The following MUC5AC variants were observed in gnomAD, a reference collection of about 807,000 sequenced individuals.
The protein encoded by MUC5AC is mucin 5AC, oligomeric mucus/gel-forming, also known as mucin-5AC.
A neutral mutation model predicts 169.7 loss-of-function variants in MUC5AC; 158 were observed. The observed-to-expected ratio is 0.93, with a 90% confidence interval of 0.82 to 1.06. The LOEUF (loss-of-function observed/expected upper bound fraction) is 1.06. MUC5AC is among the 50% of genes least tolerant of loss of function. The pLI is 0.00. For synonymous variants in MUC5AC, 1,975 were observed against 1,237.0 expected (o/e 1.60, Z -12.52); for missense variants, 4,359 against 3,089.9 (o/e 1.41, Z -9.74).
In MUC5AC at chr11:1,199,946, G is replaced by A; in HGVS notation, c.16677G>A (p.Gly5559=). 3 of 763,546 alleles carry A rather than the reference G, an allele frequency of 3.9e-6. No individual in the cohort carries two copies. Among genetic ancestry groups the A allele is most frequent in the East Asian group, 2.4e-5 (1 of 41,196 alleles). The allele number at this position is 763,546 out of a possible 1,614,324, so 47.3% of individuals were successfully genotyped here. A position where few individuals can be genotyped will look rare whatever the true frequency, so the allele number is the denominator to read the frequency against. Residue 5559 remains glycine (G), a synonymous_variant, in exon 48 of 49, where the codon GGG becomes GGA. Transcript: ENST00000621226. ...SEPVRLAYCR[G]NCGDSSSMYS... is the part of the protein sequence containing the mutation. Reference sequence around the variant, plus strand: ...CCGTGCGCCTGGCTTACTGCCGGGGGAACTGTGGGGACAGCTCTTCCATGT... The same window carrying A: ...CCGTGCGCCTGGCTTACTGCCGGGGAAACTGTGGGGACAGCTCTTCCATGT...
At chr11:1,180,926 C>T (rs951176446) in intron 28 of MUC5AC, among the ~76,000 whole-genome samples, 341 of 152,246 alleles carry the variant, frequency 2.2e-3, no homozygotes, top group African/African-American at 7.8e-3. Context: ...AGGGGCCCCA[C>T]GAGGGAGGGA....
intron 15 of MUC5AC, among the ~76,000 whole-genome samples, chr11:1,170,582 T>C (rs1298430932): frequency 0.15 from 3,148 of 21,342 alleles, no homozygotes; most frequent in Middle Eastern, 0.17. Flanking sequence ...CCCACTCACC[T>C]ACTCACTCAC....
chr11:1,178,444 G>A lies in MUC5AC; in HGVS notation c.3088G>A (p.Gly1030Ser). The change falls in exon 25 of 49, where the codon GGC becomes AGC. Residue 1030 changes from glycine (G) to serine (S), a missense_variant and splice_region_variant. Physicochemically the swap from Gly to Ser is moderately conservative, Grantham distance 56 (BLOSUM62 0). Transcript: ENST00000621226. Reference protein sequence around the residue: ...IFINLSPEFKGRVCGLCGNFD... With the variant: ...IFINLSPEFKSRVCGLCGNFD... The stretch of plus-strand genomic sequence containing the variant: ...TCCACCTCTCCCGGTGCCTCTGCAG[G>A]GCAGGGTCTGCGGCCTGTGTGGGAA... The A allele has an allele frequency of 3.1e-6, 2 of 645,706 alleles. No homozygotes were observed. The highest frequency in any genetic ancestry group is 4.6e-6 in the Non-Finnish European group (2 of 435,656). 40.0% of individuals were successfully genotyped at this position (645,706 alleles called of 1,614,324 possible).
chr11:1,164,453 CT>C lies in MUC5AC; in HGVS notation c.1051del (p.Cys351AlafsTer110), dbSNP rs1860242643. On this transcript the variant is annotated frameshift_variant, in exon 9 of 49. Transcript: ENST00000621226. LOFTEE classifies it high-confidence loss of function. The part of the protein sequence containing the change: ...NMQYHECRSP[C>X]ADTCSNQEHS... ...TGCAGTACCACGAGTGCCGCTCCCCCTGCGCAGACACCTGCTCCAACCAGGA... is the reference window on the plus strand; with the variant it reads ...TGCAGTACCACGAGTGCCGCTCCCCCGCGCAGACACCTGCTCCAACCAGGA... 1.2e-6 allele frequency: 2 copies of C among 1,611,952 alleles called. No individual in the cohort carries two copies. The highest frequency in any genetic ancestry group is 1.7e-6 in the Non-Finnish European group (2 of 1,179,656).
chr11:1,195,127 C>A lies in MUC5AC; in HGVS notation c.15306C>A (p.Cys5102Ter). Residue 5102 changes from cysteine to a stop codon, truncating the protein, a stop_gained, in exon 36 of 49, where the codon TGC becomes TGA. Coordinates refer to ENST00000621226, the MANE Select transcript of MUC5AC (RefSeq NM_001304359.2). LOFTEE classifies it high-confidence loss of function. Reference sequence around the variant, plus strand: ...TGAGCATACCCGACCAGCCAGCCTGCCACCGGCCTCACCCGACGCCCACCA... The same window carrying A: ...TGAGCATACCCGACCAGCCAGCCTGACACCGGCCTCACCCGACGCCCACCA... ...WNVSIPDQPA[C>*]HRPHPTPTTV... 1.3e-6 allele frequency: 1 copy of A among 764,474 alleles called. No individual in the cohort carries two copies. Among genetic ancestry groups the A allele is most frequent in the Non-Finnish European group, 2.4e-6 (1 of 417,672 alleles). 47.4% of individuals were successfully genotyped at this position (764,474 alleles called of 1,614,324 possible).
At position 1,160,746 on chromosome 11, in the gene MUC5AC, G is replaced by A. The variant is rs1427595202; in HGVS notation, c.151+57G>A. 13 of 1,536,148 alleles carry A rather than the reference G, an allele frequency of 8.5e-6. No individual in the cohort carries two copies. The Admixed American group carries it at 1.6e-4, about 19-fold the overall frequency. ...CCTGTCAGATTCCACCCTCCACCGTGTGGCACGGCCCCTAGGGCCACTGGT... is the reference window on the plus strand; with the variant it reads ...CCTGTCAGATTCCACCCTCCACCGTATGGCACGGCCCCTAGGGCCACTGGT... On this transcript the variant is annotated intron_variant, in intron 2 of 48. Coordinates refer to ENST00000621226, the MANE Select transcript of MUC5AC (RefSeq NM_001304359.2).
At chr11:1,169,672 T>C (rs1298240711) in intron 15 of MUC5AC, among the ~76,000 whole-genome samples, 2 of 115,322 alleles carry the variant, frequency 1.7e-5, no homozygotes, top group African/African-American at 3.5e-5. Context: ...ACTCACCCAC[T>C]CACTCACCCA....
intron 46 of MUC5AC, 81 bp from the exon 47 acceptor site, chr11:1,199,614 C>T: frequency 1.4e-6 from 1 of 696,308 alleles, no homozygotes; most frequent in East Asian, 2.7e-5. Flanking sequence ...CACTCCTGAG[C>T]CTGGCCCCAT....
chr11:1,160,585 G>A, intron 1 of MUC5AC, 27 bp from the exon 2 acceptor site: 1 of 1,593,500 alleles, frequency 6.3e-7, no homozygotes, highest in South Asian at 1.1e-5. Flanking sequence ...CCTGCATCTG[G>A]GCTCAGCCCC....
In MUC5AC at chr11:1,161,960, T is replaced by C. The variant is rs1432108255; in HGVS notation, c.265T>C (p.Tyr89His). 34 of 1,612,184 alleles carry C rather than the reference T, an allele frequency of 2.1e-5. No individual in the cohort carries two copies. The Admixed American group carries it at 5.5e-4, about 26-fold the overall frequency. Residue 89 changes from tyrosine (Y) to histidine (H), a missense_variant, in exon 4 of 49, where the codon TAC (tyrosine) becomes CAC (histidine). Transcript: ENST00000621226. ...GTGCAGCACCTGGGGCAGCTTCCACTACAAGACCTTCGACGGCGACGTCTT... is the reference window on the plus strand; with the variant it reads ...GTGCAGCACCTGGGGCAGCTTCCACCACAAGACCTTCGACGGCGACGTCTT... Reference protein sequence around the residue: ...RVCSTWGSFHYKTFDGDVFRF... With the variant: ...RVCSTWGSFHHKTFDGDVFRF...
chr11:1,197,683 G>A lies in MUC5AC; in HGVS notation c.16033+44G>A. 4 of 656,796 alleles carry A rather than the reference G, an allele frequency of 6.1e-6. No homozygotes were observed. In the East Asian group the frequency reaches 1.1e-4, roughly 18 times the overall value. The allele number at this position is 656,796 out of a possible 1,614,324, so 40.7% of individuals were successfully genotyped here. ...GAGGGGCATGGTGTGGCAGGCAGGT[G>A]ACCCGGAGCCCACTCGGCCCGGACT... On this transcript the variant is annotated intron_variant, in intron 41 of 48. Coordinates refer to ENST00000621226, the MANE Select transcript of MUC5AC (RefSeq NM_001304359.2).
Position 1,162,081 on chromosome 11 carries a change from C to A in MUC5AC, c.386C>A (p.Ala129Glu). 6.2e-7 allele frequency: 1 copy of A among 1,612,442 alleles called. No homozygotes were observed. Among genetic ancestry groups the A allele is most frequent in the South Asian group, 1.1e-5 (1 of 91,018 alleles). ...CAGCTACGCCGCAGCCAGGAGTCAG[C>A]GGCCCCCACGCTGAGCAGGGTCCTC... is the stretch of plus-strand genomic sequence containing the variant. ...NIQLRRSQES[A>E]APTLSRVLMK... The change falls in exon 4 of 49, where the codon GCG (alanine) becomes GAG (glutamate). Residue 129 changes from alanine to glutamate, a missense_variant. Transcript: ENST00000621226.
At position 1,179,092 on chromosome 11, in the gene MUC5AC, G is replaced by A; in HGVS notation, c.3328G>A (p.Val1110Met). The A allele has an allele frequency of 1.8e-6, 1 of 560,690 alleles. No homozygotes were observed. Among genetic ancestry groups the A allele is most frequent in the East Asian group, 2.9e-5 (1 of 34,208 alleles). 34.7% of individuals were successfully genotyped at this position (560,690 alleles called of 1,614,324 possible). ...GPTFAACHAH[V>M]EPARYYEACV... ...GAACCTGAAGCCCCGTCTCCCTCAG[G>A]TGGAGCCGGCCAGGTACTACGAGGC... Residue 1110 changes from valine (V) to methionine (M), a missense_variant and splice_region_variant, in exon 26 of 49, where the codon GTG becomes ATG. Transcript: ENST00000621226.
Position 1,188,329 on chromosome 11 carries a change from C to T in MUC5AC, c.10184C>T (p.Thr3395Ile). 1.5e-6 allele frequency: 1 copy of T among 670,156 alleles called. No homozygotes were observed. The highest frequency in any genetic ancestry group is 1.6e-5 in the South Asian group (1 of 63,588). 41.5% of individuals were successfully genotyped at this position (670,156 alleles called of 1,614,324 possible). A position where few individuals can be genotyped will look rare whatever the true frequency, so the allele number is the denominator to read the frequency against. ...APTTSTTSAP[T>I]TSTTSTPQTS... Reference sequence around the variant, plus strand: ...ACAACCAGCACAACTTCTGCCCCTACAACCAGCACAACCTCCACTCCACAG... The same window carrying T: ...ACAACCAGCACAACTTCTGCCCCTATAACCAGCACAACCTCCACTCCACAG... The change falls in exon 31 of 49, where the codon ACA becomes ATA. Residue 3395 changes from threonine to isoleucine, a missense_variant. Thr to Ile is a moderately conservative substitution (Grantham distance 89). Transcript: ENST00000621226.
chr11:1,172,830 T>C (rs1860579642), intron 16 of MUC5AC, among the ~76,000 whole-genome samples: 1 of 149,776 alleles, frequency 6.7e-6, no homozygotes, highest in African/African-American at 2.5e-5. Context: ...ACTCACCCAT[T>C]CACTCACTCA....
Position 1,185,032 on chromosome 11 carries a change from C to CCA in MUC5AC, c.6887_6888insCA (p.Pro2297IlefsTer29). The CCA allele has an allele frequency of 1.4e-6, 1 of 692,398 alleles. No individual in the cohort carries two copies. The highest frequency in any genetic ancestry group is 2.6e-6 in the Non-Finnish European group (1 of 379,138). 42.9% of individuals were successfully genotyped at this position (692,398 alleles called of 1,614,324 possible). ...CCTACAACCAGAACAACCTCTGCCTCTCCAGCCAGCACAACCTCTGGTCCT... is the reference window on the plus strand; with the variant it reads ...CCTACAACCAGAACAACCTCTGCCTCCATCCAGCCAGCACAACCTCTGGTCCT... On this transcript the variant is annotated frameshift_variant, in exon 31 of 49. Coordinates refer to ENST00000621226, the MANE Select transcript of MUC5AC (RefSeq NM_001304359.2). LOFTEE classifies it high-confidence loss of function.
At position 1,188,011 on chromosome 11, in the gene MUC5AC, A is replaced by G. The variant is rs1860996007; in HGVS notation, c.9866A>G (p.Gln3289Arg). The change falls in exon 31 of 49, where the codon CAG becomes CGG. Residue 3289 changes from glutamine to arginine, a missense_variant. Coordinates refer to ENST00000621226, the MANE Select transcript of MUC5AC (RefSeq NM_001304359.2). ...VSIEHLGQVVQCSREEGLVCR... is the reference protein window; with the variant it reads ...VSIEHLGQVVRCSREEGLVCR... The stretch of plus-strand genomic sequence containing the variant: ...ATTGAACACCTGGGCCAGGTGGTGC[A>G]GTGCAGCCGTGAAGAGGGCCTGGTG... The G allele has an allele frequency of 2.6e-6, 2 of 760,146 alleles. No individual in the cohort carries two copies. The highest frequency in any genetic ancestry group is 2.4e-5 in the East Asian group (1 of 41,248). 47.1% of individuals were successfully genotyped at this position (760,146 alleles called of 1,614,324 possible).
chr11:1,199,810 T>A (rs1257405479), intron 47 of MUC5AC, 45 bp from the exon 48 acceptor site: 6 of 735,310 alleles, frequency 8.2e-6, no homozygotes, highest in Middle Eastern at 2.3e-4. Flanking sequence ...CCCTCAGAGG[T>A]CTAGGAGCAG....
chr11:1,195,370 G>A, intron 36 of MUC5AC, 91 bp downstream of exon 36: 2 of 711,122 alleles, frequency 2.8e-6, no homozygotes, highest in Non-Finnish European at 2.6e-6. Context: ...GCATTTTCAG[G>A]GGGCTCCTGA....
Sources: gnomAD v4.1 joint callset for allele counts (sites outside exome capture counted in the v4.1 genomes callset) on GRCh38, gnomAD v4.1.1 for gene constraint, MANE v1.5 for transcripts, NCBI Gene and HGNC (gene_info 2026-07-23, HGNC 2026-07-21) for gene names.